PCDHGA3: variants seen among roughly 807,000 people sequenced by gnomAD.
PCDHGA3 encodes protocadherin gamma-A3.
PCDHGA3 carries 40 observed loss-of-function variants against 58.5 expected under a neutral mutation model. The observed-to-expected ratio is 0.68, with a 90% CI of 0.53 to 0.89. The LOEUF (loss-of-function observed/expected upper bound fraction) is 0.89, where lower values mean the gene tolerates loss of function less well. Ranked by LOEUF, PCDHGA3 falls within the 40% of genes least tolerant of loss-of-function variation. The probability of loss-of-function intolerance (pLI) is 0.00; values close to 1 mark genes in which losing one functional copy is unlikely to be tolerated. For missense variants in PCDHGA3, 1,223 were observed against 1,195.9 expected, an observed-to-expected ratio of 1.02 and a Z score of -0.33; for synonymous variants, 530 against 525.7, an observed-to-expected ratio of 1.01 and a Z score of -0.11.
chr5:141,459,117 T>A (rs1489347692), intron 1 of PCDHGA3, among the ~76,000 whole-genome samples: 1 of 152,224 alleles, frequency 6.6e-6, no homozygotes, highest in Non-Finnish European at 1.5e-5. Flanking sequence ...GACAATTGTT[T>A]ACATCTGTGT....
At chr5:141,349,862 C>G (rs1007140667) in intron 1 of PCDHGA3, among the ~76,000 whole-genome samples, 1 of 151,862 alleles carries the variant, frequency 6.6e-6, no homozygotes, top group African/African-American at 2.4e-5. Context: ...AAAAAGAATA[C>G]GAAATGATGA....
chr5:141,438,623 TATATATATATATACACAC>T (rs1435936123), intron 1 of PCDHGA3, among the ~76,000 whole-genome samples: 532 of 42,826 alleles, frequency 0.012, 5 homozygotes, highest in African/African-American at 0.075. Flanking sequence ...TATATATATA[TATATATATATATACACAC>T]ACACACACAC....
At chr5:141,389,089 T>G in intron 1 of PCDHGA3, 1 of 1,613,978 alleles carries the variant, frequency 6.2e-7, no homozygotes, top group East Asian at 2.2e-5. Flanking sequence ...ACGTATAAAT[T>G]AGTGACAGAT....
rs2099692694 is a variant in PCDHGA3, at chr5:141,489,817, GAGCTGGTGCTAGAGCAGC to G, written c.2425-4983_2425-4966del. On this transcript the variant is annotated intron_variant, in intron 1 of 3. Transcript: ENST00000253812. This position sits in a 1 kb window ranked among gnomAD's most constrained non-coding sequence, Gnocchi z 4.5. ...CCTAAAAGATGGGAAGCCATTCCCA[GAGCTGGTGCTAGAGCAGC>G]AGCTGGATCGTGAAGCCCAGGCAAG... 6 of 1,613,992 alleles carry G rather than the reference GAGCTGGTGCTAGAGCAGC, an allele frequency of 3.7e-6. No individual in the cohort carries two copies. Among genetic ancestry groups the G allele is most frequent in the Non-Finnish European group, 5.1e-6 (6 of 1,179,944 alleles).
chr5:141,450,555 C>T (rs958577638), intron 1 of PCDHGA3, among the ~76,000 whole-genome samples: 4 of 151,710 alleles, frequency 2.6e-5, no homozygotes, highest in East Asian at 1.9e-4. Flanking sequence ...GGCGCAGTCT[C>T]GGCTCACTGC....
rs1363008017 is a variant in PCDHGA3, at chr5:141,413,215, T to A, written c.2424+66758T>A. ...GAATCGCTCAAAGGAATCAAAGGATTGCAGCGGGCTGGTCCTGCTCTGCCT... is the reference window on the plus strand; with the variant it reads ...GAATCGCTCAAAGGAATCAAAGGATAGCAGCGGGCTGGTCCTGCTCTGCCT... On this transcript the variant is annotated intron_variant, in intron 1 of 3. Coordinates refer to ENST00000253812, the MANE Select transcript of PCDHGA3 (RefSeq NM_018916.4). 6 of 1,613,232 alleles carry A rather than the reference T, an allele frequency of 3.7e-6. No individual in the cohort carries two copies. The African/African-American group carries it at 8.0e-5, about 22-fold the overall frequency.
At chr5:141,413,181 C>T in intron 1 of PCDHGA3, 8 of 1,602,880 alleles carry the variant, frequency 5.0e-6, no homozygotes, top group Non-Finnish European at 6.8e-6. Context: ...CTACAATGGC[C>T]GCTCAAAGGA....
In PCDHGA3 at chr5:141,405,165, C is replaced by G. The variant is rs745998723; in HGVS notation, c.2424+58708C>G. 1.9e-6 allele frequency: 3 copies of G among 1,613,978 alleles called. No individual in the cohort carries two copies. In the South Asian group the frequency reaches 3.3e-5, roughly 18 times the overall value. On this transcript the variant is annotated intron_variant, in intron 1 of 3. Transcript: ENST00000253812. Reference sequence around the variant, plus strand: ...GATGGGTTGGCTGGTGTGCCCACCTCACACTTTGTGGGTGTAGATGGGGTT... The same window carrying G: ...GATGGGTTGGCTGGTGTGCCCACCTGACACTTTGTGGGTGTAGATGGGGTT...
rs779792543 is a variant in PCDHGA3 at position 141,486,994 on chromosome 5, C to T, written c.2425-7813C>T. ...ATTCAGGTTACAATGCTTGGGTTTCCTATCAGCTCCTGGAGGCCCCAGATC... is the reference window on the plus strand; with the variant it reads ...ATTCAGGTTACAATGCTTGGGTTTCTTATCAGCTCCTGGAGGCCCCAGATC... On this transcript the variant is annotated intron_variant, in intron 1 of 3. Coordinates refer to ENST00000253812, the MANE Select transcript of PCDHGA3 (RefSeq NM_018916.4). This position sits in a 1 kb window ranked among gnomAD's most constrained non-coding sequence, Gnocchi z 5.0. The T allele has an allele frequency of 6.2e-7, 1 of 1,614,214 alleles. No individual in the cohort carries two copies. The highest frequency in any genetic ancestry group is 8.5e-7 in the Non-Finnish European group (1 of 1,180,034).
chr5:141,433,837 CAAA>C (rs56191208), intron 1 of PCDHGA3, among the ~76,000 whole-genome samples: 5 of 111,684 alleles, frequency 4.5e-5, no homozygotes, highest in Admixed American at 2.0e-4. Flanking sequence ...AACTCTATCT[CAAA>C]AAAAAAAAAA....
intron 1 of PCDHGA3, among the ~76,000 whole-genome samples, chr5:141,438,835 A>T (rs1591550617): frequency 6.7e-6 from 1 of 149,784 alleles, no homozygotes; most frequent in African/African-American, 2.5e-5. Flanking sequence ...CTAATTTTTT[A>T]AAATATTTTT....
intron 1 of PCDHGA3, chr5:141,404,006 C>A: frequency 6.2e-7 from 1 of 1,613,804 alleles, no homozygotes; most frequent in Non-Finnish European, 8.5e-7. Context: ...CATTACATCT[C>A]TGTTTAGCCC....
rs749347013 is a variant in PCDHGA3, at chr5:141,476,739, C to G, written c.2425-18068C>G. 6.2e-7 allele frequency: 1 copy of G among 1,614,068 alleles called. No individual in the cohort carries two copies. Among genetic ancestry groups the G allele is most frequent in the South Asian group, 1.1e-5 (1 of 91,088 alleles). On this transcript the variant is annotated intron_variant, in intron 1 of 3. Transcript: ENST00000253812. The surrounding 1 kb of genome is among the most constrained non-coding windows in gnomAD (Gnocchi z 7.6). Reference sequence around the variant, plus strand: ...CGCGCCCTGGACCGAGAACGGGAGCCTAGTCTCCAGTTAGTGCTGACGGCG... The same window carrying G: ...CGCGCCCTGGACCGAGAACGGGAGCGTAGTCTCCAGTTAGTGCTGACGGCG...
chr5:141,437,820 C>T (rs973577605), intron 1 of PCDHGA3, among the ~76,000 whole-genome samples: 4 of 151,904 alleles, frequency 2.6e-5, no homozygotes, highest in Non-Finnish European at 5.9e-5. Flanking sequence ...TCACTGCAAC[C>T]TCTGCCTCCT....
rs754384717 is a variant in PCDHGA3 at position 141,385,373 on chromosome 5, T to C, written c.2424+38916T>C. The C allele has an allele frequency of 3.9e-6, 6 of 1,529,356 alleles. No individual in the cohort carries two copies. The East Asian group carries it at 1.4e-4, about 35-fold the overall frequency. 94.7% of individuals were successfully genotyped at this position (1,529,356 alleles called of 1,614,324 possible). ...CCATGAGGAATTTATTTGCATGATA[T>C]TTCTCTATTATTTTGCAAAACAAAT... On this transcript the variant is annotated intron_variant, in intron 1 of 3. Coordinates refer to ENST00000253812, the MANE Select transcript of PCDHGA3 (RefSeq NM_018916.4).
At chr5:141,389,354 G>A in intron 1 of PCDHGA3, 5 of 1,613,934 alleles carry the variant, frequency 3.1e-6, no homozygotes, top group African/African-American at 2.7e-5. Flanking sequence ...ACTGCATCAT[G>A]GCCAGTGACC....
At position 141,485,677 on chromosome 5, in the gene PCDHGA3, C is replaced by T. The variant is rs757797282; in HGVS notation, c.2425-9130C>T. ...CAGATGTGGGGAGCAATTCGATTAG[C>T]AGCTATAGGCTGAGCTCCAATGAAC... On this transcript the variant is annotated intron_variant, in intron 1 of 3. Transcript: ENST00000253812. This position sits in a 1 kb window ranked among gnomAD's most constrained non-coding sequence, Gnocchi z 5.7. 2.4e-5 allele frequency: 38 copies of T among 1,612,714 alleles called. No individual in the cohort carries two copies. In the East Asian group the frequency reaches 7.8e-4, roughly 33 times the overall value.
chr5:141,403,984 A>C, intron 1 of PCDHGA3: 1 of 1,613,892 alleles, frequency 6.2e-7, no homozygotes, highest in South Asian at 1.1e-5. Flanking sequence ...ATGACAATAG[A>C]CCTGAAGTGA....
chr5:141,357,576 G>C (rs781394563), intron 1 of PCDHGA3: 2 of 1,614,174 alleles, frequency 1.2e-6, no homozygotes, highest in South Asian at 1.1e-5. Context: ...AGCCTCTTCT[G>C]ATAACTCAGG....
Sources: allele counts gnomAD v4.1 joint callset (sites outside exome capture counted in the v4.1 genomes callset), GRCh38; gene constraint gnomAD v4.1.1; non-coding constraint Gnocchi (gnomAD v3.1); transcripts MANE v1.5; gene names NCBI Gene and HGNC (gene_info 2026-07-23, HGNC 2026-07-21).